Variants in GATA6 observed in about 807,000 individuals in gnomAD.
GATA6 encodes transcription factor GATA-6.
Under a neutral mutation model 48.1 loss-of-function variants are expected in GATA6, and 11 were observed. The ratio of observed to expected loss-of-function variants is 0.23; its 90% CI spans 0.14 to 0.38. The LOEUF is 0.38. GATA6 is among the 10% of genes least tolerant of loss of function. The pLI is 1.00. For synonymous variants in GATA6, 419 were observed against 396.1 expected, an observed-to-expected ratio of 1.06 and a Z score of -0.69; for missense variants, 795 against 850.3, an observed-to-expected ratio of 0.93 and a Z score of 0.81.
At chr18:22,188,900 G>A (rs2033295782) in intron 6 of GATA6, among the ~76,000 whole-genome samples, 1 of 152,096 alleles carries the variant, frequency 6.6e-6, no homozygotes. Flanking sequence ...TCTTCTAATG[G>A]AAACATATTA....
Position 22,172,448 on chromosome 18 carries a change from GAGT to G in GATA6, c.1135+170_1135+172del, listed in dbSNP as rs2033069203. ...TGCAGGCCTGTGGCTGGGTAACCCA[GAGT>G]CCGGTAGCGCTGAGGCGAGTTGTGC... On this transcript the variant is annotated intron_variant, in intron 2 of 6. Transcript: ENST00000269216. This position sits in a 1 kb window ranked among gnomAD's most constrained non-coding sequence, Gnocchi z 5.2. Among the ~76,000 whole-genome samples the G allele has an allele frequency of 2.6e-5, 4 of 152,234 alleles. No individual in the cohort carries two copies. The highest frequency in any genetic ancestry group is 9.6e-5 in the African/African-American group (4 of 41,472).
rs774669486 is a variant in GATA6, at chr18:22,200,809, C to G, written c.1774C>G (p.Leu592Val). The change falls in exon 7 of 7, where the codon CTG becomes GTG. Residue 592 changes from leucine (L) to valine (V), a missense_variant. Physicochemically the swap from Leu to Val is conservative, Grantham distance 32. Transcript: ENST00000269216. ...SSVRPDSWCA[L>V]ALA ...CGTGCGACCGGATTCCTGGTGCGCC[C>G]TGGCCCTGGCCTGAGCCCACGCCGC... 2 of 1,611,230 alleles carry G rather than the reference C, an allele frequency of 1.2e-6. No homozygotes were observed. The highest frequency in any genetic ancestry group is 1.7e-6 in the Non-Finnish European group (2 of 1,179,278).
intron 6 of GATA6, among the ~76,000 whole-genome samples, chr18:22,198,171 A>T (rs1180718542): frequency 6.6e-6 from 1 of 150,660 alleles, no homozygotes; most frequent in Non-Finnish European, 1.5e-5. Flanking sequence ...TGCAGCCTTC[A>T]TCACCTAGAC....
At chr18:22,177,193 G>T (rs2033133924) in intron 3 of GATA6, 72 bp downstream of exon 3, 1 of 1,418,058 alleles carries the variant, frequency 7.1e-7, no homozygotes, top group Non-Finnish European at 9.3e-7. Context: ...GCCCCGCCCT[G>T]GCTCGGCCTG....
At chr18:22,178,685 GCCTTAAACTCGTTACAA>G (rs1434928393) in intron 3 of GATA6, among the ~76,000 whole-genome samples, 1 of 152,160 alleles carries the variant, frequency 6.6e-6, no homozygotes, top group Non-Finnish European at 1.5e-5. Flanking sequence ...GAGTGTATGT[GCCTTAAACTCGTTACAA>G]CCTCCCACAG....
intron 6 of GATA6, among the ~76,000 whole-genome samples, chr18:22,189,626 G>A (rs1777561211): frequency 6.6e-6 from 1 of 152,208 alleles, no homozygotes; most frequent in Admixed American, 6.5e-5. Context: ...GAGCTCTGAT[G>A]CAAGAGCCTG....
chr18:22,181,838 G>A (rs568141062), intron 4 of GATA6, among the ~76,000 whole-genome samples: 15 of 152,246 alleles, frequency 9.9e-5, no homozygotes, highest in East Asian at 3.9e-4. Flanking sequence ...TATTGCAAAC[G>A]TTCATTTAAG....
chr18:22,197,554 A>C (rs982459741), intron 6 of GATA6, among the ~76,000 whole-genome samples: 47 of 152,050 alleles, frequency 3.1e-4, no homozygotes, highest in Non-Finnish European at 4.3e-4. Context: ...ACCTCTCTTC[A>C]TCCGCCCTGC....
intron 3 of GATA6, among the ~76,000 whole-genome samples, chr18:22,178,733 G>T (rs2033157636): frequency 6.6e-6 from 1 of 152,254 alleles, no homozygotes; most frequent in Non-Finnish European, 1.5e-5. Context: ...TCTTTAAAGG[G>T]TACCCTTAAC....
intron 6 of GATA6, among the ~76,000 whole-genome samples, chr18:22,199,900 CAAAAAAAAAAA>C (rs35638046): frequency 2.5e-4 from 17 of 68,354 alleles, no homozygotes; most frequent in Non-Finnish European, 5.1e-4. Context: ...GACTCTGTTT[CAAAAAAAAAAA>C]AAAAAAAAAA....
chr18:22,179,042 G>A (rs1033405283), intron 3 of GATA6, among the ~76,000 whole-genome samples: 6 of 152,088 alleles, frequency 3.9e-5, no homozygotes, highest in African/African-American at 1.4e-4. Flanking sequence ...TTTTGTGCAT[G>A]TACCAGTAAA....
Position 22,176,964 on chromosome 18 carries a change from AGGACCT to A in GATA6, c.1147_1152del (p.Asp383_Leu384del). 6.4e-7 allele frequency: 1 copy of A among 1,557,796 alleles called. No individual in the cohort carries two copies. On this transcript the variant is annotated inframe_deletion, in exon 3 of 7. Transcript: ENST00000269216. ...ACCGCTGTCGCCGCAGACCTGCTGG[AGGACCT>A]GTCCGAGAGCCGCGAGTGCGTGAAC...
In GATA6 at chr18:22,176,977, G is replaced by A; in HGVS notation, c.1158G>A (p.Glu386=). Residue 386 remains glutamate (E), a synonymous_variant, in exon 3 of 7, where the codon GAG becomes GAA. Transcript: ENST00000269216. ...CAGACCTGCTGGAGGACCTGTCCGA[G>A]AGCCGCGAGTGCGTGAACTGCGGCT... ...PSADLLEDLS[E]SRECVNCGSI... is the part of the protein sequence containing the mutation. 1 of 1,564,582 alleles carries A rather than the reference G, an allele frequency of 6.4e-7. No homozygotes were observed. Among genetic ancestry groups the A allele is most frequent in the Non-Finnish European group, 8.6e-7 (1 of 1,157,714 alleles).
intron 6 of GATA6, among the ~76,000 whole-genome samples, chr18:22,190,533 A>G (rs1045209439): frequency 6.6e-6 from 1 of 152,054 alleles, no homozygotes; most frequent in African/African-American, 2.4e-5. Flanking sequence ...CGTCCAAAAC[A>G]CTCTTTTCTA....
Position 22,200,696 on chromosome 18 carries a change from A to C in GATA6, c.1661A>C (p.Asn554Thr). The C allele has an allele frequency of 6.2e-7, 1 of 1,614,210 alleles. No homozygotes were observed. Among genetic ancestry groups the C allele is most frequent in the Non-Finnish European group, 8.5e-7 (1 of 1,180,036 alleles). The change falls in exon 7 of 7, where the codon AAT becomes ACT. Residue 554 changes from asparagine to threonine, a missense_variant. Around this residue, in one of 5 missense-constraint regions of GATA6, gnomAD observed 103 missense variants for 103.7 expected, o/e 0.99. Transcript: ENST00000269216. ...ATGACTGGTGCGGGAGAGAGCACCAATCCCGAGAACAGCGAGCTCAAGTAT... is the reference window on the plus strand; with the variant it reads ...ATGACTGGTGCGGGAGAGAGCACCACTCCCGAGAACAGCGAGCTCAAGTAT... Reference protein sequence around the residue: ...PVMTGAGESTNPENSELKYSG... With the variant: ...PVMTGAGESTTPENSELKYSG...
rs151126600 is a variant in GATA6 at position 22,178,915 on chromosome 18, T to C, written c.1302+1794T>C. On this transcript the variant is annotated intron_variant, in intron 3 of 6. Coordinates refer to ENST00000269216, the MANE Select transcript of GATA6 (RefSeq NM_005257.6). ...AAGGCACATTGAGCTGAGTACTAAC[T>C]GAACTTTCAAAGGTAACATTTTCTA... 1.4e-4 allele frequency among the ~76,000 whole-genome samples: 22 copies of C among 152,332 alleles called. No homozygotes were observed. In the East Asian group the frequency reaches 4.2e-3, roughly 29 times the overall value.
chr18:22,180,954 C>T (rs1027066356), intron 3 of GATA6, among the ~76,000 whole-genome samples: 2 of 151,338 alleles, frequency 1.3e-5, no homozygotes, highest in African/African-American at 4.9e-5. Context: ...GGGGGGTGGG[C>T]GGCAGGGAGG....
In GATA6 at chr18:22,171,771, C is replaced by A. The variant is rs1051642564; in HGVS notation, c.627C>A (p.Gly209=). Residue 209 remains glycine, a synonymous_variant, in exon 2 of 7, where the codon GGC becomes GGA. Transcript: ENST00000269216. This position sits in a 1 kb window ranked among gnomAD's most constrained non-coding sequence, Gnocchi z 7.1. Reference sequence around the variant, plus strand: ...TACCGTACCACCTGCAGGGGTCGGGCAGTGGGCCAGCCAACCACGCGGGCG... The same window carrying A: ...TACCGTACCACCTGCAGGGGTCGGGAAGTGGGCCAGCCAACCACGCGGGCG... The part of the protein sequence containing the change: ...PGLPYHLQGS[G]SGPANHAGGA... 3.1e-5 allele frequency: 42 copies of A among 1,368,356 alleles called. No homozygotes were observed. The African/African-American group carries it at 6.2e-4, about 20-fold the overall frequency. 84.8% of individuals were successfully genotyped at this position (1,368,356 alleles called of 1,614,324 possible).
chr18:22,171,181 C>G lies in GATA6; in HGVS notation c.37C>G (p.Arg13Gly). The change falls in exon 2 of 7, where the codon CGC (arginine) becomes GGC (glycine). Residue 13 changes from arginine to glycine, a missense_variant. Arg to Gly is a moderately radical substitution (Grantham distance 125, BLOSUM62 -2). Coordinates refer to ENST00000269216, the MANE Select transcript of GATA6 (RefSeq NM_005257.6). The surrounding 1 kb of genome is among the most constrained non-coding windows in gnomAD (Gnocchi z 7.1). ...LTDGGWCLPK[R>G]FGAAGADASD... ...TGACGGCGGCTGGTGCTTGCCGAAG[C>G]GCTTCGGGGCCGCGGGTGCGGACGC... is the stretch of plus-strand genomic sequence containing the variant. 2 of 1,599,920 alleles carry G rather than the reference C, an allele frequency of 1.3e-6. No homozygotes were observed. Among genetic ancestry groups the G allele is most frequent in the Admixed American group, 1.7e-5 (1 of 59,966 alleles).
Sources: allele counts gnomAD v4.1 joint callset (sites outside exome capture counted in the v4.1 genomes callset), GRCh38; gene constraint gnomAD v4.1.1; regional missense constraint gnomAD v4.1.1; non-coding constraint Gnocchi (gnomAD v3.1); transcripts MANE v1.5; gene names NCBI Gene and HGNC (gene_info 2026-07-23, HGNC 2026-07-21).